The following SCAF4 variants were observed in gnomAD, a reference collection of about 807,000 sequenced individuals.
The protein encoded by SCAF4 is SR-related CTD associated factor 4.
Under a neutral mutation model 129.8 loss-of-function variants are expected in SCAF4, and 25 were observed. That is an observed-to-expected ratio of 0.19 (90% CI 0.14 to 0.27). SCAF4 has a LOEUF of 0.27. Among genes scored for constraint, SCAF4 ranks in the 10% least tolerant of loss-of-function variants. The probability of loss-of-function intolerance (pLI) is 1.00; values close to 1 mark genes in which losing one functional copy is unlikely to be tolerated. For synonymous variants in SCAF4, 551 were observed against 497.7 expected, an observed-to-expected ratio of 1.11 and a Z score of -1.43; for missense variants, 1,246 against 1,457.1, an observed-to-expected ratio of 0.86 and a Z score of 2.36.
chr21:31,687,040 G>A (rs1419134175), intron 16 of SCAF4, among the ~76,000 whole-genome samples: 1 of 152,198 alleles, frequency 6.6e-6, no homozygotes, highest in African/African-American at 2.4e-5. Flanking sequence ...GTCAGCTGAA[G>A]AGTTTGCCAA....
At chr21:31,692,862 T>C (rs140621895) in intron 12 of SCAF4, among the ~76,000 whole-genome samples, 22 of 152,368 alleles carry the variant, frequency 1.4e-4, no homozygotes, top group Non-Finnish European at 2.9e-4. Flanking sequence ...TAAGTGTTGA[T>C]GGTTTTTCTT....
At chr21:31,726,664 C>CA (rs138098136) in intron 1 of SCAF4, among the ~76,000 whole-genome samples, 1,703 of 152,050 alleles carry the variant, frequency 0.011, 18 homozygotes, top group Non-Finnish European at 0.019. Context: ...GACCCTGTCT[C>CA]AAAAAACAAA....
At position 31,702,318 on chromosome 21, in the gene SCAF4, A is replaced by G; in HGVS notation, c.383T>C (p.Ile128Thr). 6.2e-7 allele frequency: 1 copy of G among 1,614,164 alleles called. No homozygotes were observed. Among genetic ancestry groups the G allele is most frequent in the South Asian group, 1.1e-5 (1 of 91,076 alleles). The stretch of plus-strand genomic sequence containing the variant: ...CGCTGCCATGTCCAAAAGAGGTTGA[A>G]TAATTTCAATTTTGAACACTCCATT... ...QKNGVFKIEI[I>T]QPLLDMAAGT... The change falls in exon 5 of 20, where the codon ATT becomes ACT. Residue 128 changes from isoleucine to threonine, a missense_variant. This residue lies in a region of SCAF4 where 143 missense variants were observed against 161.0 expected (regional missense o/e 0.89). Coordinates refer to ENST00000286835, the MANE Select transcript of SCAF4 (RefSeq NM_020706.2).
At chr21:31,724,300 A>C (rs1029523295) in intron 1 of SCAF4, among the ~76,000 whole-genome samples, 1 of 152,234 alleles carries the variant, frequency 6.6e-6, no homozygotes, top group Non-Finnish European at 1.5e-5. Context: ...GCCTCTTCTA[A>C]CGCAAATTTA....
intron 1 of SCAF4, among the ~76,000 whole-genome samples, chr21:31,722,504 A>G (rs1418246176): frequency 2.6e-5 from 4 of 152,220 alleles, no homozygotes; most frequent in African/African-American, 9.6e-5. Context: ...CCTGTGAACA[A>G]AAATTATAGA....
Position 31,703,883 on chromosome 21 carries a change from G to T in SCAF4, c.203C>A (p.Ser68Ter). The T allele has an allele frequency of 6.3e-7, 1 of 1,595,426 alleles. No individual in the cohort carries two copies. The stretch of plus-strand genomic sequence containing the variant: ...CTGATGACGAGACTGTCGCACAATT[G>T]AGTCAATTACATATAATCCCGGAAC... ...YKVPGLYVIDSIVRQSRHQFG... is the reference protein window; with the variant it reads ...YKVPGLYVID Residue 68 changes from serine to a stop codon, truncating the protein, a stop_gained, in exon 4 of 20, where the codon TCA (serine) becomes TAA (stop). Transcript: ENST00000286835. LOFTEE classifies it high-confidence loss of function.
chr21:31,721,423 C>T (rs191772982), intron 1 of SCAF4, among the ~76,000 whole-genome samples: 2 of 152,234 alleles, frequency 1.3e-5, no homozygotes, highest in Admixed American at 6.5e-5. Context: ...CAGTAATTTT[C>T]GGTATTACAG....
chr21:31,708,585 T>C (rs766971447), intron 1 of SCAF4, among the ~76,000 whole-genome samples: 23 of 152,272 alleles, frequency 1.5e-4, no homozygotes, highest in Non-Finnish European at 2.9e-4. Context: ...TTATTATTGT[T>C]CTATTTTCTA....
intron 10 of SCAF4, 112 bp from the exon 11 acceptor site, chr21:31,694,401 T>C: frequency 1.5e-6 from 1 of 675,486 alleles, no homozygotes; most frequent in Non-Finnish European, 2.4e-6. Flanking sequence ...CAATTCTCTT[T>C]TGGTTGCCTG....
intron 1 of SCAF4, among the ~76,000 whole-genome samples, chr21:31,729,093 C>T (rs534561882): frequency 2.0e-5 from 3 of 152,150 alleles, no homozygotes; most frequent in South Asian, 2.1e-4. Flanking sequence ...CATAACACTA[C>T]GAACGAAACA....
intron 19 of SCAF4, among the ~76,000 whole-genome samples, chr21:31,676,432 G>GC (rs1299348432): frequency 6.6e-6 from 1 of 152,004 alleles, no homozygotes; most frequent in Non-Finnish European, 1.5e-5. Flanking sequence ...GGAGTCCATG[G>GC]CTCTCCCTCA....
intron 7 of SCAF4, 85 bp downstream of exon 7, chr21:31,700,910 C>T: frequency 7.4e-7 from 1 of 1,351,764 alleles, no homozygotes; most frequent in South Asian, 1.2e-5. Context: ...ATGAACAATC[C>T]ACAGAAGGGA....
At chr21:31,679,910 G>A (rs1213826300) in intron 19 of SCAF4, among the ~76,000 whole-genome samples, 3 of 152,256 alleles carry the variant, frequency 2.0e-5, no homozygotes, top group East Asian at 3.9e-4. Context: ...TTGACAAAGT[G>A]CAATAGCTAT....
intron 2 of SCAF4, among the ~76,000 whole-genome samples, chr21:31,705,930 C>T (rs568533584): frequency 4.6e-5 from 7 of 152,228 alleles, no homozygotes; most frequent in Admixed American, 2.6e-4. Context: ...TGAGGCTGGG[C>T]GTGGTGGCGC....
intron 19 of SCAF4, 115 bp from the exon 20 acceptor site, chr21:31,672,469 A>T: frequency 1.2e-6 from 1 of 859,666 alleles, no homozygotes; most frequent in East Asian, 2.6e-5. Context: ...TTCAAATTTC[A>T]TAGTTTGCCA....
intron 19 of SCAF4, 130 bp from the exon 20 acceptor site, chr21:31,672,484 G>T: frequency 1.3e-6 from 1 of 762,986 alleles, no homozygotes; most frequent in Non-Finnish European, 2.2e-6. Flanking sequence ...TTGCCACTCT[G>T]TCACAAACCC....
intron 1 of SCAF4, among the ~76,000 whole-genome samples, chr21:31,730,674 C>T (rs762398963): frequency 1.3e-5 from 2 of 152,198 alleles, no homozygotes; most frequent in Non-Finnish European, 2.9e-5. Flanking sequence ...GACAATAGTT[C>T]CCATTCTGTA....
At chr21:31,710,543 C>T (rs1243766516) in intron 1 of SCAF4, among the ~76,000 whole-genome samples, 2 of 152,070 alleles carry the variant, frequency 1.3e-5, no homozygotes, top group Admixed American at 6.5e-5. Flanking sequence ...ACCGAGACTC[C>T]GTCTCCAAAA....
chr21:31,693,507 G>T (rs372598088), intron 11 of SCAF4, 23 bp from the exon 12 acceptor site: 19 of 1,436,918 alleles, frequency 1.3e-5, no homozygotes, highest in Middle Eastern at 2.6e-4. Context: ...AGAGAAGGGA[G>T]AATGCATAGC....
Sources: allele counts gnomAD v4.1 joint callset (sites outside exome capture counted in the v4.1 genomes callset), GRCh38; gene constraint gnomAD v4.1.1; regional missense constraint gnomAD v4.1.1; transcripts MANE v1.5; gene names NCBI Gene and HGNC (gene_info 2026-07-23, HGNC 2026-07-21).